The following FABP6 variants were observed in gnomAD, a reference collection of about 807,000 sequenced individuals.
FABP6 encodes the protein gastrotropin.
Under a neutral mutation model 14.9 loss-of-function variants are expected in FABP6, and 13 were observed. The ratio of observed to expected loss-of-function variants is 0.87; its 90% CI spans 0.57 to 1.39. The LOEUF (loss-of-function observed/expected upper bound fraction) is 1.39, where lower values mean the gene tolerates loss of function less well. FABP6 is among the 40% of genes most tolerant of loss of function. The pLI is 0.00. For missense variants in FABP6, 161 were observed against 167.2 expected (o/e 0.96, Z 0.20); for synonymous variants, 75 against 63.6 (o/e 1.18, Z -0.85).
intron 2 of FABP6, among the ~76,000 whole-genome samples, chr5:160,207,912 C>T (rs552751250): frequency 1.2e-4 from 19 of 152,064 alleles, no homozygotes; most frequent in South Asian, 6.3e-4. Context: ...TTAGTAGAGA[C>T]GGAGTTTCAC....
chr5:160,193,207 G>C (rs1009607348), intron 1 of FABP6, among the ~76,000 whole-genome samples: 1 of 152,082 alleles, frequency 6.6e-6, no homozygotes, highest in Non-Finnish European at 1.5e-5. Flanking sequence ...TCGTGGTCTC[G>C]CTGGCTCAGG....
intron 1 of FABP6, chr5:160,198,986 G>A: frequency 1.0e-6 from 1 of 996,054 alleles, no homozygotes; most frequent in South Asian, 1.3e-5. Context: ...ATAGACAAAT[G>A]AATGAACAAT....
chr5:160,229,932 G>A (rs1427869012), intron 1 of FABP6, among the ~76,000 whole-genome samples: 1 of 150,754 alleles, frequency 6.6e-6, no homozygotes, highest in Non-Finnish European at 1.5e-5. Flanking sequence ...GGAGTGCAGT[G>A]GCACCATCTC....
intron 1 of FABP6, 140 bp from the exon 2 acceptor site, chr5:160,231,958 G>A: frequency 1.1e-6 from 1 of 907,260 alleles, no homozygotes; most frequent in Non-Finnish European, 1.7e-6. Context: ...AGCTGTCTCA[G>A]GCACTGTGCT....
chr5:160,219,637 A>G (rs1161436790), intron 3 of FABP6, among the ~76,000 whole-genome samples: 1 of 152,092 alleles, frequency 6.6e-6, no homozygotes, highest in Non-Finnish European at 1.5e-5. Flanking sequence ...CCATAGCCCC[A>G]CCACTCCCAT....
intron 1 of FABP6, among the ~76,000 whole-genome samples, chr5:160,190,226 C>T (rs907486438): frequency 6.3e-4 from 96 of 152,128 alleles, no homozygotes; most frequent in African/African-American, 2.2e-3. Flanking sequence ...GTCATCGTGT[C>T]GTAGCTTTTT....
chr5:160,205,960 TTTTCTTTTCTTTTC>T (rs1316824389), intron 2 of FABP6, among the ~76,000 whole-genome samples: 11 of 151,802 alleles, frequency 7.2e-5, no homozygotes, highest in African/African-American at 9.7e-5. Context: ...CTCTTTTCTT[TTTTCTTTTCTTTTC>T]TTTCTTTTCT....
chr5:160,215,151 G>A (rs1186281452), intron 3 of FABP6, among the ~76,000 whole-genome samples: 1 of 152,182 alleles, frequency 6.6e-6, no homozygotes, highest in Non-Finnish European at 1.5e-5. Context: ...TAACCTCACT[G>A]TCCAACAAAA....
chr5:160,190,657 T>C (rs921206664), intron 1 of FABP6, among the ~76,000 whole-genome samples: 2 of 152,338 alleles, frequency 1.3e-5, no homozygotes, highest in Admixed American at 6.5e-5. Context: ...ACCAGTTGCA[T>C]GGGCCCTAAG....
At chr5:160,236,976 C>T (rs1025125504) in intron 3 of FABP6, among the ~76,000 whole-genome samples, 1 of 151,642 alleles carries the variant, frequency 6.6e-6, no homozygotes. Flanking sequence ...AAAACTCTGT[C>T]TCAAAAAAAA....
chr5:160,190,661 C>T (rs1759376405), intron 1 of FABP6, among the ~76,000 whole-genome samples: 1 of 152,182 alleles, frequency 6.6e-6, no homozygotes, highest in East Asian at 1.9e-4. Flanking sequence ...GTTGCATGGG[C>T]CCTAAGTCTA....
chr5:160,224,918 C>A (rs1000471410), upstream of FABP6, among the ~76,000 whole-genome samples: 5 of 151,824 alleles, frequency 3.3e-5, no homozygotes, highest in African/African-American at 1.2e-4. Context: ...GCTGGAAATA[C>A]AGGCACGTGC....
intron 3 of FABP6, among the ~76,000 whole-genome samples, chr5:160,215,510 T>C (rs2113111106): frequency 7.1e-6 from 1 of 139,972 alleles, no homozygotes; most frequent in South Asian, 2.5e-4. Context: ...TGAAACTCTG[T>C]CTCAGAGAAA....
intron 1 of FABP6, among the ~76,000 whole-genome samples, chr5:160,193,478 C>G (rs1759444020): frequency 6.6e-6 from 1 of 152,142 alleles, no homozygotes; most frequent in Non-Finnish European, 1.5e-5. Context: ...TGCTTTTATT[C>G]TCTTATTTGG....
At chr5:160,208,213 C>A (rs1759810174) in intron 2 of FABP6, among the ~76,000 whole-genome samples, 1 of 151,884 alleles carries the variant, frequency 6.6e-6, no homozygotes, top group Non-Finnish European at 1.5e-5. Context: ...AAGGATGAGG[C>A]AAGAGGACTG....
chr5:160,195,118 C>T (rs150087506), intron 1 of FABP6, among the ~76,000 whole-genome samples: 1 of 151,974 alleles, frequency 6.6e-6, no homozygotes. Flanking sequence ...AACCCCGACT[C>T]TACTAAAAAT....
At chr5:160,196,222 G>T (rs115283545) in intron 1 of FABP6, among the ~76,000 whole-genome samples, 2,621 of 152,326 alleles carry the variant, frequency 0.017, 68 homozygotes, top group African/African-American at 0.058. Flanking sequence ...CTCACTCCAC[G>T]GGGAGACCTG....
chr5:160,190,728 G>A (rs939829802), intron 1 of FABP6, among the ~76,000 whole-genome samples: 1 of 152,160 alleles, frequency 6.6e-6, no homozygotes, highest in Non-Finnish European at 1.5e-5. Context: ...CTGGCAAGTT[G>A]TTTTGATTCA....
chr5:160,202,763 C>T (rs1023486389), intron 2 of FABP6, among the ~76,000 whole-genome samples: 1 of 145,408 alleles, frequency 6.9e-6, no homozygotes. Flanking sequence ...TGCACCACTG[C>T]ACTCCAGCCT....
Sources: allele counts gnomAD v4.1 joint callset (sites outside exome capture counted in the v4.1 genomes callset), GRCh38; gene constraint gnomAD v4.1.1; transcripts MANE v1.5; gene names NCBI Gene and HGNC (gene_info 2026-07-23, HGNC 2026-07-21).